CNTN4: variants seen among roughly 807,000 people sequenced by gnomAD.
CNTN4 encodes the protein contactin-4.
In CNTN4, 77 loss-of-function variants were observed where a neutral mutation model predicts 122.5. The observed-to-expected ratio is 0.63, with a 90% confidence interval of 0.52 to 0.76. The LOEUF (loss-of-function observed/expected upper bound fraction) is 0.76. Among genes scored for constraint, CNTN4 ranks in the 30% least tolerant of loss-of-function variants. The probability of loss-of-function intolerance (pLI) is 0.00; values close to 1 mark genes in which losing one functional copy is unlikely to be tolerated. For synonymous variants in CNTN4, 512 were observed against 447.0 expected (o/e 1.15, Z -1.83); for missense variants, 1,256 against 1,259.1 (o/e 1.00, Z 0.04).
intron 4 of CNTN4, among the ~76,000 whole-genome samples, chr3:2,606,959 C>A (rs927241637): frequency 1.3e-5 from 2 of 152,136 alleles, no homozygotes; most frequent in African/African-American, 4.8e-5. Context: ...CAGATGCTAG[C>A]TCTATTCTTT....
At chr3:2,145,543 A>T (rs2035204162) in intron 2 of CNTN4, among the ~76,000 whole-genome samples, 1 of 152,228 alleles carries the variant, frequency 6.6e-6, no homozygotes, top group African/African-American at 2.4e-5. Context: ...GCAAGAAGAC[A>T]GATAGGAAAG....
At chr3:2,354,226 A>G (rs2044770872) in intron 3 of CNTN4, among the ~76,000 whole-genome samples, 1 of 152,192 alleles carries the variant, frequency 6.6e-6, no homozygotes, top group South Asian at 2.1e-4. Context: ...ATATTGCTAC[A>G]GTTGAATAAG....
At chr3:2,467,847 G>A (rs1207641806) in intron 3 of CNTN4, among the ~76,000 whole-genome samples, 3 of 152,086 alleles carry the variant, frequency 2.0e-5, no homozygotes, top group Admixed American at 1.3e-4. Context: ...CTGCTAATGC[G>A]AATTCCACCT....
chr3:2,875,408 T>C (rs2093832428), intron 8 of CNTN4, among the ~76,000 whole-genome samples: 1 of 152,242 alleles, frequency 6.6e-6, no homozygotes, highest in African/African-American at 2.4e-5. Context: ...ATAATTTGTC[T>C]GTTGATTCTA....
At chr3:2,846,399 T>C (rs765930065) in intron 7 of CNTN4, among the ~76,000 whole-genome samples, 1 of 152,214 alleles carries the variant, frequency 6.6e-6, no homozygotes, top group Non-Finnish European at 1.5e-5. Flanking sequence ...ACATGTTTAC[T>C]TCCCCTACCA....
At chr3:2,275,286 G>A (rs959633712) in intron 2 of CNTN4, among the ~76,000 whole-genome samples, 4 of 152,152 alleles carry the variant, frequency 2.6e-5, no homozygotes, top group Admixed American at 2.0e-4. Flanking sequence ...TAGAGATTGT[G>A]TTTTATAAAT....
intron 3 of CNTN4, among the ~76,000 whole-genome samples, chr3:2,566,899 A>T (rs565063809): frequency 2.6e-5 from 4 of 152,172 alleles, no homozygotes; most frequent in Non-Finnish European, 5.9e-5. Context: ...ATTCTTAGTA[A>T]TTAGAGATGT....
chr3:2,925,728 A>T lies in CNTN4; in HGVS notation c.1307A>T (p.Lys436Ile). The T allele has an allele frequency of 6.2e-7, 1 of 1,613,988 alleles. No individual in the cohort carries two copies. Among genetic ancestry groups the T allele is most frequent in the Non-Finnish European group, 8.5e-7 (1 of 1,179,878 alleles). Residue 436 changes from lysine (K) to isoleucine (I), a missense_variant, in exon 13 of 25, where the codon AAA (lysine) becomes ATA (isoleucine). Lys to Ile is a moderately radical substitution (Grantham distance 102, BLOSUM62 -3). Coordinates refer to ENST00000418658, the MANE Select transcript of CNTN4 (RefSeq NM_175607.3). ...GAGTGTAAGCCAAAAGCGTCTCCAA[A>T]ACCTGTTTACACCTGGAAGAAAGGA... is the stretch of plus-strand genomic sequence containing the variant. ...VIECKPKASP[K>I]PVYTWKKGRD...
chr3:2,172,147 T>C lies in CNTN4; in HGVS notation c.-145+71508T>C, dbSNP rs188753989. ...TATATCAGAATTTATTAAGAATGAT[T>C]AGAAAATTGATTGCAAACCAAAGAG... is the stretch of plus-strand genomic sequence containing the variant. On this transcript the variant is annotated intron_variant, in intron 2 of 24. Coordinates refer to ENST00000418658, the MANE Select transcript of CNTN4 (RefSeq NM_175607.3). Among the ~76,000 whole-genome samples the C allele has an allele frequency of 6.6e-5, 10 of 152,188 alleles. No homozygotes were observed. In the East Asian group the frequency reaches 1.9e-3, roughly 29 times the overall value.
chr3:2,516,826 C>G (rs775624082), intron 3 of CNTN4, among the ~76,000 whole-genome samples: 10 of 152,026 alleles, frequency 6.6e-5, no homozygotes, highest in Non-Finnish European at 1.5e-4. Context: ...CTGACTATGC[C>G]AGGCATTTGG....
In CNTN4 at chr3:2,743,220, A is replaced by G. The variant is rs75886125; in HGVS notation, c.183-2302A>G. The stretch of plus-strand genomic sequence containing the variant: ...TAGATTTGTCATATTAAATTGCTCT[A>G]CTATCATTTGAAGTAAGAGTTATGG... On this transcript the variant is annotated intron_variant, in intron 5 of 24. Coordinates refer to ENST00000418658, the MANE Select transcript of CNTN4 (RefSeq NM_175607.3). 5.1e-3 allele frequency among the ~76,000 whole-genome samples: 779 copies of G among 152,212 alleles called. 6 individuals are homozygous for G. Among genetic ancestry groups the G allele is most frequent in the African/African-American group, 0.017 (720 of 41,524 alleles).
rs566250794 is a variant in CNTN4, at chr3:2,600,228, A to C, written c.55+28670A>C. 9.8e-4 allele frequency among the ~76,000 whole-genome samples: 149 copies of C among 151,408 alleles called. No individual in the cohort carries two copies. The Middle Eastern group carries it at 0.017, about 17-fold the overall frequency. ...CAGCTTAGATTTTTTTTATACTTTA[A>C]GTTCTAGGGTACATGTGTACAACCT... On this transcript the variant is annotated intron_variant, in intron 4 of 24. Transcript: ENST00000418658.
chr3:2,729,753 AAAC>A (rs1482588928), intron 4 of CNTN4, among the ~76,000 whole-genome samples: 1 of 151,734 alleles, frequency 6.6e-6, no homozygotes, highest in Non-Finnish European at 1.5e-5. Context: ...TCTCTACTAA[AAAC>A]AAAAAAAATT....
At chr3:2,890,340 T>G (rs2094024632) in intron 10 of CNTN4, among the ~76,000 whole-genome samples, 1 of 152,156 alleles carries the variant, frequency 6.6e-6, no homozygotes, top group Admixed American at 6.5e-5. Context: ...GGTCTCCAAT[T>G]TAAATGAATT....
At chr3:2,130,217 C>T (rs910193937) in intron 2 of CNTN4, among the ~76,000 whole-genome samples, 1 of 152,052 alleles carries the variant, frequency 6.6e-6, no homozygotes, top group Non-Finnish European at 1.5e-5. Flanking sequence ...CAGGATTTTT[C>T]TTCTGAAGTT....
chr3:2,838,955 G>T (rs1438233271), intron 7 of CNTN4, among the ~76,000 whole-genome samples: 1 of 152,152 alleles, frequency 6.6e-6, no homozygotes, highest in African/African-American at 2.4e-5. Context: ...CTCATAGGGG[G>T]TTCATGAAAA....
At chr3:2,797,168 T>A (rs1035678921) in intron 6 of CNTN4, among the ~76,000 whole-genome samples, 20 of 152,096 alleles carry the variant, frequency 1.3e-4, no homozygotes, top group African/African-American at 4.8e-4. Context: ...GCCCAACTAA[T>A]TTTTTAATTT....
chr3:2,784,019 A>G (rs1341769083), intron 6 of CNTN4, among the ~76,000 whole-genome samples: 1 of 152,214 alleles, frequency 6.6e-6, no homozygotes, highest in Non-Finnish European at 1.5e-5. Flanking sequence ...TTTGTCAGGG[A>G]ATAGACTATT....
intron 6 of CNTN4, among the ~76,000 whole-genome samples, chr3:2,782,061 G>A (rs768702717): frequency 1.3e-5 from 2 of 151,986 alleles, no homozygotes; most frequent in South Asian, 4.2e-4. Context: ...ATAAGAGGTT[G>A]TGGAGACCAG....
Sources: allele counts gnomAD v4.1 joint callset (sites outside exome capture counted in the v4.1 genomes callset), GRCh38; gene constraint gnomAD v4.1.1; transcripts MANE v1.5; gene names NCBI Gene and HGNC (gene_info 2026-07-23, HGNC 2026-07-21).